Variants in FAM168A observed in about 807,000 individuals in gnomAD.
FAM168A encodes the protein protein FAM168A.
In FAM168A, 3 loss-of-function variants were observed where a neutral mutation model predicts 28.5. The observed-to-expected ratio is 0.11, with a 90% CI of 0.05 to 0.27. The LOEUF (loss-of-function observed/expected upper bound fraction) is 0.27. Among genes scored for constraint, FAM168A ranks in the 10% least tolerant of loss-of-function variants. The pLI is 1.00. For synonymous variants in FAM168A, 122 were observed against 124.2 expected (o/e 0.98, Z 0.12); for missense variants, 222 against 311.5 (o/e 0.71, Z 2.16).
At chr11:73,551,829 G>A (rs1245686547) in intron 1 of FAM168A, among the ~76,000 whole-genome samples, 1 of 152,204 alleles carries the variant, frequency 6.6e-6, no homozygotes, top group Non-Finnish European at 1.5e-5. Flanking sequence ...CAGCTGCCCT[G>A]AATGAATTTC....
chr11:73,464,197 A>C (rs1384044206), intron 2 of FAM168A, among the ~76,000 whole-genome samples: 5 of 151,924 alleles, frequency 3.3e-5, no homozygotes, highest in Non-Finnish European at 7.4e-5. Context: ...TAAAAAAAAA[A>C]AAAACACATA....
At chr11:73,565,769 C>CT (rs1416791101) in intron 1 of FAM168A, among the ~76,000 whole-genome samples, 1 of 152,130 alleles carries the variant, frequency 6.6e-6, no homozygotes, top group African/African-American at 2.4e-5. Flanking sequence ...CCAGGGAAGG[C>CT]TTTTAAAAAC....
At chr11:73,420,755 G>A (rs2134496872) in intron 3 of FAM168A, 1 of 152,410 alleles carries the variant, frequency 6.6e-6, no homozygotes, top group Non-Finnish European at 1.5e-5. Flanking sequence ...GAAATTTGGG[G>A]TAGGTAGGAA....
intron 1 of FAM168A, among the ~76,000 whole-genome samples, chr11:73,595,590 T>C (rs1320880645): frequency 1.3e-5 from 2 of 152,206 alleles, no homozygotes; most frequent in Non-Finnish European, 2.9e-5. Context: ...TCCATAGAAC[T>C]GTTTCTCTAA....
intron 1 of FAM168A, among the ~76,000 whole-genome samples, chr11:73,507,841 T>C (rs1274515014): frequency 6.6e-6 from 1 of 152,138 alleles, no homozygotes; most frequent in African/African-American, 2.4e-5. Flanking sequence ...AGGGCCAACT[T>C]TTCATAATCA....
At chr11:73,521,126 T>C (rs1478535257) in intron 1 of FAM168A, among the ~76,000 whole-genome samples, 1 of 152,244 alleles carries the variant, frequency 6.6e-6, no homozygotes, top group Non-Finnish European at 1.5e-5. Context: ...AGACTGATTA[T>C]AGCCTTATAA....
chr11:73,402,565 T>G lies in FAM168A; in HGVS notation c.*4198A>C, dbSNP rs1212473257. On this transcript the variant is annotated 3_prime_UTR_variant, in exon 8 of 8. Coordinates refer to ENST00000356467, the MANE Select transcript of FAM168A (RefSeq NM_015159.3). ...AAGGATGCTCAGAGTCTGGTTCTGG[T>G]CCTCACCCATGGGAAAAGCAAGCCC... 1 of 152,178 alleles carries G rather than the reference T, an allele frequency of 6.6e-6. No homozygotes were observed. The highest frequency in any genetic ancestry group is 2.4e-5 in the African/African-American group (1 of 41,440). The allele number at this position is 152,178 out of a possible 1,614,324, so 9.4% of individuals were successfully genotyped here. A position where few individuals can be genotyped will look rare whatever the true frequency, so the allele number is the denominator to read the frequency against.
chr11:73,503,688 C>A (rs922110937), intron 1 of FAM168A, among the ~76,000 whole-genome samples: 2 of 152,140 alleles, frequency 1.3e-5, no homozygotes, highest in African/African-American at 4.8e-5. Flanking sequence ...CCCTGGATAG[C>A]CAAGACAATC....
intron 1 of FAM168A, among the ~76,000 whole-genome samples, chr11:73,584,178 CT>C (rs536773551): frequency 0.2 from 29,708 of 146,780 alleles, 4,613 homozygotes; most frequent in African/African-American, 0.44. Flanking sequence ...CATTCACTGA[CT>C]TTTTTTTTTT....
intron 1 of FAM168A, among the ~76,000 whole-genome samples, chr11:73,469,675 G>A (rs185585311): frequency 6.6e-6 from 1 of 152,136 alleles, no homozygotes; most frequent in Admixed American, 6.5e-5. Flanking sequence ...ACTACCCCAG[G>A]GCAACGAGCT....
chr11:73,513,187 GTTTTGTTTTTTTTTTTAATTTTT>G (rs1447269788), intron 1 of FAM168A, among the ~76,000 whole-genome samples: 88 of 140,194 alleles, frequency 6.3e-4, no homozygotes, highest in African/African-American at 2.2e-3. Flanking sequence ...CCAGGTCAAA[GTTTTGTTTTTTTTTTTAATTTTT>G]TTTTTTTTTT....
intron 2 of FAM168A, among the ~76,000 whole-genome samples, chr11:73,434,094 T>C (rs542397325): frequency 6.6e-6 from 1 of 152,166 alleles, no homozygotes; most frequent in Non-Finnish European, 1.5e-5. Flanking sequence ...TCCACCTGCC[T>C]TGGCCTCCCA....
chr11:73,572,843 CT>C (rs1202222116), intron 1 of FAM168A, among the ~76,000 whole-genome samples: 5 of 152,126 alleles, frequency 3.3e-5, no homozygotes, highest in African/African-American at 1.2e-4. Flanking sequence ...CCAAATCCCC[CT>C]CTGTGAGAAA....
At chr11:73,543,287 G>A (rs1357834834) in intron 1 of FAM168A, among the ~76,000 whole-genome samples, 1 of 90,824 alleles carries the variant, frequency 1.1e-5, no homozygotes, top group Non-Finnish European at 2.0e-5. Flanking sequence ...TTTTTTTGAT[G>A]GAGTCTTGCT....
chr11:73,533,898 C>A (rs1336891323), intron 1 of FAM168A, among the ~76,000 whole-genome samples: 1 of 152,058 alleles, frequency 6.6e-6, no homozygotes, highest in Non-Finnish European at 1.5e-5. Flanking sequence ...GGTGCCTCTA[C>A]CTAATTTGCT....
chr11:73,477,921 GTAGATAGA>G (rs35031500), intron 1 of FAM168A, among the ~76,000 whole-genome samples: 19,253 of 147,140 alleles, frequency 0.13, 1,328 homozygotes, highest in Middle Eastern at 0.17. Context: ...AAGCTGATAT[GTAGATAGA>G]TAGATAGATA....
At chr11:73,564,656 T>C (rs1008536788) in intron 1 of FAM168A, among the ~76,000 whole-genome samples, 1 of 140,260 alleles carries the variant, frequency 7.1e-6, no homozygotes, top group Non-Finnish European at 1.5e-5. Flanking sequence ...GGCAGGAGAA[T>C]GGAATGAACC....
At chr11:73,471,012 T>C (rs923629115) in intron 1 of FAM168A, among the ~76,000 whole-genome samples, 4 of 152,152 alleles carry the variant, frequency 2.6e-5, no homozygotes, top group African/African-American at 7.2e-5. Context: ...CACTCCATGA[T>C]AGCACTCCAT....
At position 73,522,224 on chromosome 11, in the gene FAM168A, T is replaced by C. The variant is rs899904795; in HGVS notation, c.-18-53732A>G. Among the ~76,000 whole-genome samples, 10 of 148,122 alleles carry C rather than the reference T, an allele frequency of 6.8e-5. 1 individual carries two copies. Among genetic ancestry groups the C allele is most frequent in the Admixed American group, 4.0e-4 (6 of 14,900 alleles). On this transcript the variant is annotated intron_variant, in intron 1 of 7. Transcript: ENST00000356467. ...CCACCAAAAAAAAAAAAAATGGACATGGCTGCAGAACTGACATTTTGGAAA... is the reference window on the plus strand; with the variant it reads ...CCACCAAAAAAAAAAAAAATGGACACGGCTGCAGAACTGACATTTTGGAAA...
Sources: gnomAD v4.1 joint callset for allele counts (sites outside exome capture counted in the v4.1 genomes callset) on GRCh38, gnomAD v4.1.1 for gene constraint, MANE v1.5 for transcripts, NCBI Gene and HGNC (gene_info 2026-07-23, HGNC 2026-07-21) for gene names.